The following HEPACAM2 variants were observed in gnomAD, a reference collection of about 807,000 sequenced individuals.
HEPACAM2 encodes HEPACAM family member 2, also known as mitotic kinetics regulator.
HEPACAM2 carries 49 observed loss-of-function variants against 49.6 expected under a neutral mutation model. That is an observed-to-expected ratio of 0.99 (90% CI 0.78 to 1.25). HEPACAM2 has a LOEUF of 1.25. Among genes scored for constraint, HEPACAM2 ranks in the 50% most tolerant of loss-of-function variants. The pLI is 0.00. For missense variants in HEPACAM2, 525 were observed against 557.2 expected (o/e 0.94, Z 0.58); for synonymous variants, 197 against 202.9 (o/e 0.97, Z 0.25).
chr7:93,203,318 C>A (rs1793942221), intron 4 of HEPACAM2, among the ~76,000 whole-genome samples: 1 of 152,142 alleles, frequency 6.6e-6, no homozygotes, highest in African/African-American at 2.4e-5. Flanking sequence ...CTTTCACACA[C>A]ACAAAAAGTG....
At chr7:93,222,848 C>T (rs1163352910) in intron 1 of HEPACAM2, among the ~76,000 whole-genome samples, 2 of 152,086 alleles carry the variant, frequency 1.3e-5, no homozygotes, top group Non-Finnish European at 2.9e-5. Context: ...TTTGAGAGGA[C>T]CCAAATTGAG....
chr7:93,195,371 C>T (rs552245044), intron 8 of HEPACAM2, among the ~76,000 whole-genome samples: 1 of 152,128 alleles, frequency 6.6e-6, no homozygotes, highest in South Asian at 2.1e-4. Context: ...GGACCAGAGG[C>T]ATGCATAACC....
chr7:93,211,216 G>A (rs1216643433), intron 3 of HEPACAM2, among the ~76,000 whole-genome samples: 2 of 152,104 alleles, frequency 1.3e-5, no homozygotes, highest in African/African-American at 4.8e-5. Context: ...ATGGAGAAAT[G>A]TGAAGGAACC....
intron 3 of HEPACAM2, among the ~76,000 whole-genome samples, chr7:93,212,749 C>T (rs1794207235): frequency 6.6e-6 from 1 of 151,964 alleles, no homozygotes; most frequent in Non-Finnish European, 1.5e-5. Context: ...GATGTTATTT[C>T]CTTTATCATT....
intron 4 of HEPACAM2, chr7:93,205,537 C>G (rs1794006084): frequency 6.6e-6 from 1 of 152,114 alleles, no homozygotes. Context: ...CACCAAACAC[C>G]AATTTGGTTC....
chr7:93,218,739 A>T (rs1242746139), intron 2 of HEPACAM2, among the ~76,000 whole-genome samples: 1 of 152,136 alleles, frequency 6.6e-6, no homozygotes, highest in Non-Finnish European at 1.5e-5. Flanking sequence ...AAAAATCTTC[A>T]TGACAAAAAT....
chr7:93,197,397 A>C lies in HEPACAM2; in HGVS notation c.1139T>G (p.Val380Gly), dbSNP rs778385614. The change falls in exon 6 of 10, where the codon GTT becomes GGT. Residue 380 changes from valine to glycine, a missense_variant and splice_region_variant. Transcript: ENST00000394468. ...FLWKKYQPYK[V>G]IKQKLEGRPE... ...CCTGCCTTCTAGTTTCTGTTTTATAACTAAAATCAAGAGAGAAGAAAAATG... is the reference window on the plus strand; with the variant it reads ...CCTGCCTTCTAGTTTCTGTTTTATACCTAAAATCAAGAGAGAAGAAAAATG... 1.3e-6 allele frequency: 2 copies of C among 1,597,422 alleles called. No homozygotes were observed. The highest frequency in any genetic ancestry group is 4.5e-5 in the East Asian group (2 of 44,466).
At chr7:93,189,299 A>G (rs1207604188) in intron 9 of HEPACAM2, 29 bp from the exon 10 acceptor site, 2 of 1,559,414 alleles carry the variant, frequency 1.3e-6, no homozygotes, top group Admixed American at 1.9e-5. Flanking sequence ...AAATATGTAA[A>G]CAGTTCTATA....
chr7:93,222,142 C>CTCTTAAAGTCATA (rs1254430891), intron 1 of HEPACAM2, among the ~76,000 whole-genome samples: 17 of 152,196 alleles, frequency 1.1e-4, no homozygotes, highest in Non-Finnish European at 2.2e-4. Context: ...CGGGGTGAAA[C>CTCTTAAAGTCATA]TCTTAAAGTC....
In HEPACAM2 at chr7:93,188,811, T is replaced by C; in HGVS notation, c.*456A>G. 2.6e-6 allele frequency: 1 copy of C among 387,566 alleles called. No homozygotes were observed. Among genetic ancestry groups the C allele is most frequent in the Non-Finnish European group, 4.6e-6 (1 of 218,972 alleles). 24.0% of individuals were successfully genotyped at this position (387,566 alleles called of 1,614,324 possible). A position where few individuals can be genotyped will look rare whatever the true frequency, so the allele number is the denominator to read the frequency against. On this transcript the variant is annotated 3_prime_UTR_variant, in exon 10 of 10. Transcript: ENST00000394468. ...TGGAAATAAAATTGAAACATAAATTTAGCATTCTTAACACTAATAAAAATT... is the reference window on the plus strand; with the variant it reads ...TGGAAATAAAATTGAAACATAAATTCAGCATTCTTAACACTAATAAAAATT...
At chr7:93,202,976 C>A (rs1793933872) in intron 4 of HEPACAM2, among the ~76,000 whole-genome samples, 1 of 152,136 alleles carries the variant, frequency 6.6e-6, no homozygotes, top group Admixed American at 6.6e-5. Flanking sequence ...TTCTCTCCTA[C>A]AGAGGATCCC....
At position 93,191,302 on chromosome 7, in the gene HEPACAM2, A is replaced by G. The variant is rs551462378; in HGVS notation, c.1385+952T>C. On this transcript the variant is annotated intron_variant, in intron 9 of 9. Coordinates refer to ENST00000394468, the MANE Select transcript of HEPACAM2 (RefSeq NM_001039372.4). ...AAATTTTCTCTGATGAGGTTCTCTG[A>G]AGTATCTTGCCACTTATTTAGTCCT... 4.5e-4 allele frequency among the ~76,000 whole-genome samples: 68 copies of G among 152,080 alleles called. No individual in the cohort carries two copies. In the Middle Eastern group the frequency reaches 0.01, roughly 23 times the overall value.
In HEPACAM2 at chr7:93,188,849, GTC is replaced by G. The variant is rs1179870966; in HGVS notation, c.*416_*417del. 2.5e-6 allele frequency: 1 copy of G among 393,358 alleles called. No individual in the cohort carries two copies. Among genetic ancestry groups the G allele is most frequent in the Non-Finnish European group, 4.5e-6 (1 of 222,644 alleles). 24.4% of individuals were successfully genotyped at this position (393,358 alleles called of 1,614,324 possible). On this transcript the variant is annotated 3_prime_UTR_variant, in exon 10 of 10. Coordinates refer to ENST00000394468, the MANE Select transcript of HEPACAM2 (RefSeq NM_001039372.4). ...ACTAATAAAAATTTAATAAAACAAA[GTC>G]TGCTGAAAAATCGAACAATGTAAAG...
chr7:93,190,292 A>G lies in HEPACAM2; in HGVS notation c.1386-1022T>C, dbSNP rs929941378. 1.0e-3 allele frequency among the ~76,000 whole-genome samples: 156 copies of G among 152,186 alleles called. 3 individuals are homozygous for G. The highest frequency in any genetic ancestry group is 4.9e-4 in the Non-Finnish European group (33 of 67,976). On this transcript the variant is annotated intron_variant, in intron 9 of 9. Coordinates refer to ENST00000394468, the MANE Select transcript of HEPACAM2 (RefSeq NM_001039372.4). Reference sequence around the variant, plus strand: ...AAAATATTGGCTCCCCGTTTAGATAATGCTGGAAGACAGACAGAGGAGGAA... The same window carrying G: ...AAAATATTGGCTCCCCGTTTAGATAGTGCTGGAAGACAGACAGAGGAGGAA...
intron 1 of HEPACAM2, among the ~76,000 whole-genome samples, chr7:93,224,301 A>G (rs1794501706): frequency 6.6e-6 from 1 of 152,006 alleles, no homozygotes. Flanking sequence ...TAAATAATAT[A>G]AAAATTGATG....
rs1793578939 is a variant in HEPACAM2, at chr7:93,192,460, A to T, written c.1276-97T>A. ...TTGAAAACAACTGGCAGTAGTGATG[A>T]TTAGAGAATTAGAACTATTTATCTT... is the stretch of plus-strand genomic sequence containing the variant. On this transcript the variant is annotated intron_variant, in intron 8 of 9. Coordinates refer to ENST00000394468, the MANE Select transcript of HEPACAM2 (RefSeq NM_001039372.4). 2.8e-5 allele frequency: 23 copies of T among 813,932 alleles called. 1 individual carries two copies. In the South Asian group the frequency reaches 3.4e-4, roughly 12 times the overall value. 50.4% of individuals were successfully genotyped at this position (813,932 alleles called of 1,614,324 possible).
At chr7:93,207,498 G>A (rs1312084969) in intron 4 of HEPACAM2, among the ~76,000 whole-genome samples, 1 of 151,578 alleles carries the variant, frequency 6.6e-6, no homozygotes, top group Non-Finnish European at 1.5e-5. Context: ...AAGGAGAAGA[G>A]AATACAAAGA....
At chr7:93,225,164 C>G (rs1305973161) in intron 1 of HEPACAM2, among the ~76,000 whole-genome samples, 1 of 151,990 alleles carries the variant, frequency 6.6e-6, no homozygotes, top group Admixed American at 6.6e-5. Flanking sequence ...TGATAGTAGT[C>G]CTACTGTTTT....
intron 4 of HEPACAM2, among the ~76,000 whole-genome samples, chr7:93,207,217 G>T (rs755397610): frequency 3.3e-5 from 5 of 152,082 alleles, no homozygotes; most frequent in Non-Finnish European, 7.4e-5. Flanking sequence ...CTAGGTACCA[G>T]TGCTATAAAG....
Sources: allele counts gnomAD v4.1 joint callset (sites outside exome capture counted in the v4.1 genomes callset), GRCh38; gene constraint gnomAD v4.1.1; transcripts MANE v1.5; gene names NCBI Gene and HGNC (gene_info 2026-07-23, HGNC 2026-07-21).